Variants in PTPRD observed in about 807,000 individuals in gnomAD.
PTPRD encodes the protein receptor-type tyrosine-protein phosphatase delta.
In PTPRD, 34 loss-of-function variants were observed where a neutral mutation model predicts 214.5. The observed-to-expected ratio is 0.16, with a 90% CI of 0.12 to 0.21. The LOEUF (loss-of-function observed/expected upper bound fraction) is 0.21. PTPRD is among the 10% of genes least tolerant of loss of function. The probability of loss-of-function intolerance (pLI) is 1.00; values close to 1 mark genes in which losing one functional copy is unlikely to be tolerated. For missense variants in PTPRD, 2,545 were observed against 2,398.7 expected (o/e 1.06, Z -1.27); for synonymous variants, 1,128 against 845.7 (o/e 1.33, Z -5.79).
intron 4 of PTPRD, among the ~76,000 whole-genome samples, chr9:10,000,969 A>G (rs2096294495): frequency 6.6e-6 from 1 of 152,184 alleles, no homozygotes; most frequent in Non-Finnish European, 1.5e-5. Context: ...TGCAAATCAG[A>G]CACTGCTTTC....
intron 10 of PTPRD, among the ~76,000 whole-genome samples, chr9:9,104,540 A>G (rs2099795820): frequency 1.3e-5 from 2 of 152,176 alleles, no homozygotes; most frequent in Non-Finnish European, 2.9e-5. Flanking sequence ...ATTTCCAAAG[A>G]TACTCAAGCC....
intron 10 of PTPRD, among the ~76,000 whole-genome samples, chr9:9,153,660 C>A (rs1365340050): frequency 6.6e-6 from 1 of 152,096 alleles, no homozygotes; most frequent in Non-Finnish European, 1.5e-5. Flanking sequence ...GTGTCTAGGT[C>A]TCTACAAAAC....
chr9:9,218,306 G>A (rs956849073), intron 9 of PTPRD, among the ~76,000 whole-genome samples: 1 of 152,224 alleles, frequency 6.6e-6, no homozygotes, highest in African/African-American at 2.4e-5. Flanking sequence ...GGCCTTGAAT[G>A]TTGCTTGATG....
chr9:9,532,342 T>C (rs1311163926), intron 8 of PTPRD, among the ~76,000 whole-genome samples: 1 of 152,170 alleles, frequency 6.6e-6, no homozygotes, highest in Non-Finnish European at 1.5e-5. Flanking sequence ...AAATGAAAGC[T>C]GGATTGTTTC....
At chr9:8,416,726 C>G (rs76148867) in intron 35 of PTPRD, among the ~76,000 whole-genome samples, 2 of 152,094 alleles carry the variant, frequency 1.3e-5, no homozygotes, top group African/African-American at 4.8e-5. Context: ...GAGAAATAAT[C>G]AGGTTAAATT....
intron 4 of PTPRD, among the ~76,000 whole-genome samples, chr9:10,009,939 G>A (rs2096562643): frequency 6.6e-6 from 1 of 151,824 alleles, no homozygotes; most frequent in Admixed American, 6.6e-5. Context: ...TCCAAAGGGA[G>A]GAGAGTATAA....
chr9:9,995,036 G>C (rs184082779), intron 4 of PTPRD, among the ~76,000 whole-genome samples: 4 of 152,070 alleles, frequency 2.6e-5, no homozygotes, highest in East Asian at 3.9e-4. Flanking sequence ...TTAAGTTTAA[G>C]CTTATTTTTG....
intron 11 of PTPRD, among the ~76,000 whole-genome samples, chr9:8,759,942 T>G (rs2094302936): frequency 6.6e-6 from 1 of 152,208 alleles, no homozygotes; most frequent in African/African-American, 2.4e-5. Flanking sequence ...AGACACTGTT[T>G]GTTGAAAGAT....
chr9:10,136,070 A>T (rs1031400333), intron 3 of PTPRD, among the ~76,000 whole-genome samples: 1 of 151,912 alleles, frequency 6.6e-6, no homozygotes, highest in Non-Finnish European at 1.5e-5. Flanking sequence ...AACCAAAAAG[A>T]GCACAGGTCG....
chr9:9,380,767 G>C (rs545020507), intron 9 of PTPRD, among the ~76,000 whole-genome samples: 1 of 152,184 alleles, frequency 6.6e-6, no homozygotes, highest in South Asian at 2.1e-4. Context: ...GACTATTTCT[G>C]ATACAGGACT....
intron 2 of PTPRD, among the ~76,000 whole-genome samples, chr9:10,526,486 C>T (rs1045531951): frequency 3.3e-5 from 5 of 151,926 alleles, no homozygotes; most frequent in African/African-American, 1.2e-4. Flanking sequence ...AAAGGATGTA[C>T]ATGTTTTAAA....
chr9:10,117,669 C>A (rs966277909), intron 3 of PTPRD, among the ~76,000 whole-genome samples: 3 of 149,694 alleles, frequency 2.0e-5, no homozygotes, highest in Admixed American at 1.3e-4. Flanking sequence ...CACTCTAATT[C>A]CAGGATGATT....
intron 39 of PTPRD, among the ~76,000 whole-genome samples, chr9:8,356,383 G>A (rs796137948): frequency 2.0e-4 from 30 of 152,272 alleles, no homozygotes; most frequent in African/African-American, 7.0e-4. Flanking sequence ...TGACCAAGGG[G>A]CACAGCAAAA....
At chr9:8,754,060 ACTTGAAATCGGGAGG>A (rs1430795342) in intron 11 of PTPRD, among the ~76,000 whole-genome samples, 1 of 152,090 alleles carries the variant, frequency 6.6e-6, no homozygotes, top group Admixed American at 6.5e-5. Context: ...CAGGAGAATC[ACTTGAAATCGGGAGG>A]CAGAGGGTGC....
intron 14 of PTPRD, among the ~76,000 whole-genome samples, chr9:8,586,540 T>G (rs1421160743): frequency 1.3e-5 from 2 of 152,176 alleles, no homozygotes; most frequent in Non-Finnish European, 2.9e-5. Context: ...CCTAACAGGC[T>G]GACTTGGTTA....
chr9:9,258,076 T>G (rs950505951), intron 9 of PTPRD, among the ~76,000 whole-genome samples: 2 of 140,626 alleles, frequency 1.4e-5, no homozygotes, highest in Admixed American at 1.5e-4. Flanking sequence ...AAAAAGCTAA[T>G]AAATGAATGG....
intron 3 of PTPRD, among the ~76,000 whole-genome samples, chr9:10,114,513 T>A (rs1225169000): frequency 1.3e-5 from 2 of 152,142 alleles, no homozygotes; most frequent in African/African-American, 4.8e-5. Context: ...TCTCTCTTCA[T>A]ATATGTGAAT....
chr9:9,822,136 G>C lies in PTPRD; in HGVS notation c.-367-55285C>G, dbSNP rs1338211070. On this transcript the variant is annotated intron_variant, in intron 5 of 45. Coordinates refer to ENST00000381196, the MANE Select transcript of PTPRD (RefSeq NM_002839.4). The stretch of plus-strand genomic sequence containing the variant: ...TTATAAATATAGATAGAATAGGCTG[G>C]ATGTGGTGGCTCACTCCTGTATTTT... Among the ~76,000 whole-genome samples, 2 of 151,072 alleles carry C rather than the reference G, an allele frequency of 1.3e-5. 1 individual carries two copies. The highest frequency in any genetic ancestry group is 1.3e-4 in the Admixed American group (2 of 15,166).
chr9:9,294,776 T>C (rs1357581431), intron 9 of PTPRD, among the ~76,000 whole-genome samples: 2 of 151,676 alleles, frequency 1.3e-5, no homozygotes, highest in Non-Finnish European at 3.0e-5. Flanking sequence ...TCACCCAATC[T>C]GGGTATTTTG....
Sources: allele counts gnomAD v4.1 joint callset (sites outside exome capture counted in the v4.1 genomes callset), GRCh38; gene constraint gnomAD v4.1.1; transcripts MANE v1.5; gene names NCBI Gene and HGNC (gene_info 2026-07-23, HGNC 2026-07-21).